The following LMCD1 variants were observed in gnomAD, a reference collection of about 807,000 sequenced individuals.
LMCD1 encodes the protein LIM and cysteine-rich domains protein 1.
In LMCD1, 32 loss-of-function variants were observed where a neutral mutation model predicts 42.7. The ratio of observed to expected loss-of-function variants is 0.75; its 90% CI spans 0.57 to 1.01. The LOEUF (loss-of-function observed/expected upper bound fraction) is 1.01, where lower values mean the gene tolerates loss of function less well. LMCD1 is among the 50% of genes least tolerant of loss of function. LMCD1 has a pLI of 0.00. For synonymous variants in LMCD1, 178 were observed against 184.9 expected, an observed-to-expected ratio of 0.96 and a Z score of 0.30; for missense variants, 458 against 483.1, an observed-to-expected ratio of 0.95 and a Z score of 0.49.
At chr3:8,554,563 G>A (rs1413256559) in intron 4 of LMCD1, among the ~76,000 whole-genome samples, 5 of 152,136 alleles carry the variant, frequency 3.3e-5, no homozygotes, top group Admixed American at 6.5e-5. Context: ...GGCCTTTTGA[G>A]TATCAGAGAT....
intron 2 of LMCD1, among the ~76,000 whole-genome samples, chr3:8,534,205 C>T (rs1248216456): frequency 6.6e-6 from 1 of 151,990 alleles, no homozygotes; most frequent in Non-Finnish European, 1.5e-5. Flanking sequence ...TATCTAAATG[C>T]ACCCACCGAG....
chr3:8,540,043 A>G lies in LMCD1; in HGVS notation c.387+2603A>G, dbSNP rs188275905. On this transcript the variant is annotated intron_variant, in intron 3 of 5. Coordinates refer to ENST00000157600, the MANE Select transcript of LMCD1 (RefSeq NM_014583.4). The stretch of plus-strand genomic sequence containing the variant: ...TGTGTCCAAGTGTTCTTATTGTTCA[A>G]TGCAGCCATAAAAAAGGATGAGTTC... 1.5e-4 allele frequency among the ~76,000 whole-genome samples: 23 copies of G among 151,822 alleles called. No individual in the cohort carries two copies. In the East Asian group the frequency reaches 1.7e-3, roughly 12 times the overall value.
chr3:8,541,739 T>A (rs1391927352), intron 3 of LMCD1, among the ~76,000 whole-genome samples: 1 of 152,180 alleles, frequency 6.6e-6, no homozygotes, highest in Non-Finnish European at 1.5e-5. Flanking sequence ...GGAGATTCTG[T>A]TTCAGAGTCA....
rs748008297 is a variant in LMCD1, at chr3:8,539,220, G to C, written c.387+1780G>C. On this transcript the variant is annotated intron_variant, in intron 3 of 5. Coordinates refer to ENST00000157600, the MANE Select transcript of LMCD1 (RefSeq NM_014583.4). Reference sequence around the variant, plus strand: ...GCACAGTTCTAAGCTGTTGCCTTAGGGGGGAAAATCCCTTCCAGATAAAAT... The same window carrying C: ...GCACAGTTCTAAGCTGTTGCCTTAGCGGGGAAAATCCCTTCCAGATAAAAT... Among the ~76,000 whole-genome samples the C allele has an allele frequency of 2.2e-4, 33 of 152,066 alleles. 1 individual carries two copies. Among genetic ancestry groups the C allele is most frequent in the Non-Finnish European group, 2.6e-4 (18 of 68,008 alleles).
intron 1 of LMCD1, among the ~76,000 whole-genome samples, chr3:8,520,085 A>G (rs1694175065): frequency 6.6e-6 from 1 of 152,212 alleles, no homozygotes; most frequent in East Asian, 1.9e-4. Context: ...TTAAGATACT[A>G]AGATTCAGAC....
At position 8,541,953 on chromosome 3, in the gene LMCD1, G is replaced by A. The variant is rs905340388; in HGVS notation, c.387+4513G>A. Among the ~76,000 whole-genome samples, 61 of 150,938 alleles carry A rather than the reference G, an allele frequency of 4.0e-4. 1 individual carries two copies. Among genetic ancestry groups the A allele is most frequent in the Non-Finnish European group, 1.2e-4 (8 of 67,654 alleles). ...CCAGGATCACAAAGTACACACCAGT[G>A]GCAGCTGGATGCAGTGGCATTGACC... On this transcript the variant is annotated intron_variant, in intron 3 of 5. Coordinates refer to ENST00000157600, the MANE Select transcript of LMCD1 (RefSeq NM_014583.4).
At chr3:8,504,576 G>T (rs1284033418) in intron 1 of LMCD1, among the ~76,000 whole-genome samples, 1 of 152,220 alleles carries the variant, frequency 6.6e-6, no homozygotes, top group African/African-American at 2.4e-5. Context: ...TAGACTTAAA[G>T]GTCATCTAAC....
intron 1 of LMCD1, among the ~76,000 whole-genome samples, chr3:8,524,278 T>A (rs555865039): frequency 7.2e-4 from 105 of 146,098 alleles, no homozygotes; most frequent in African/African-American, 2.3e-3. Context: ...TTGGGCCCCC[T>A]CATCTGGTGG....
intron 1 of LMCD1, among the ~76,000 whole-genome samples, chr3:8,506,497 G>A (rs781721446): frequency 9.2e-5 from 14 of 152,168 alleles, no homozygotes; most frequent in Non-Finnish European, 1.8e-4. Context: ...CTTCCCAAGA[G>A]GAAAAGGTAA....
chr3:8,558,788 T>C (rs1422229456), intron 4 of LMCD1, among the ~76,000 whole-genome samples: 1 of 152,156 alleles, frequency 6.6e-6, no homozygotes, highest in East Asian at 1.9e-4. Context: ...ACTGAATTGG[T>C]GATATCAGTT....
At chr3:8,518,622 G>C (rs564406203) in intron 1 of LMCD1, among the ~76,000 whole-genome samples, 122 of 152,316 alleles carry the variant, frequency 8.0e-4, no homozygotes, top group African/African-American at 2.7e-3. Context: ...AAACATAGGA[G>C]AAGCAGGGAG....
intron 1 of LMCD1, among the ~76,000 whole-genome samples, chr3:8,523,402 A>G (rs1694240156): frequency 6.6e-6 from 1 of 152,236 alleles, no homozygotes; most frequent in African/African-American, 2.4e-5. Context: ...CCTGAAGAGC[A>G]TCTGTCATAT....
intron 3 of LMCD1, 54 bp downstream of exon 3, chr3:8,537,494 C>A (rs2125025261): frequency 6.7e-7 from 1 of 1,487,208 alleles, no homozygotes; most frequent in East Asian, 2.3e-5. Context: ...TAAATACTAG[C>A]CATGTCAAGT....
chr3:8,528,735 C>G (rs1388361046), intron 1 of LMCD1, among the ~76,000 whole-genome samples: 1 of 152,130 alleles, frequency 6.6e-6, no homozygotes, highest in East Asian at 1.9e-4. Context: ...TCCTCTTCCT[C>G]TCAACCCTAC....
At chr3:8,544,744 C>G (rs1390491107) in intron 3 of LMCD1, among the ~76,000 whole-genome samples, 1 of 152,152 alleles carries the variant, frequency 6.6e-6, no homozygotes. Flanking sequence ...CAAATGAGTC[C>G]AGCCCCAAGC....
intron 1 of LMCD1, among the ~76,000 whole-genome samples, chr3:8,522,099 G>A (rs372063622): frequency 2.0e-5 from 3 of 152,156 alleles, no homozygotes; most frequent in South Asian, 2.1e-4. Flanking sequence ...AGATGGGTTG[G>A]GGGGAGGCAG....
At chr3:8,505,378 G>A (rs1352328791) in intron 1 of LMCD1, among the ~76,000 whole-genome samples, 1 of 152,170 alleles carries the variant, frequency 6.6e-6, no homozygotes, top group African/African-American at 2.4e-5. Context: ...ATTTCACTTT[G>A]GAGTTATATA....
At chr3:8,534,186 G>A (rs1694466576) in intron 2 of LMCD1, among the ~76,000 whole-genome samples, 1 of 151,724 alleles carries the variant, frequency 6.6e-6, no homozygotes, top group African/African-American at 2.4e-5. Context: ...TTGAGCCAGG[G>A]GAAAATGTTA....
chr3:8,521,613 G>A (rs554483647), intron 1 of LMCD1, among the ~76,000 whole-genome samples: 31 of 152,284 alleles, frequency 2.0e-4, no homozygotes, highest in Middle Eastern at 3.4e-3. Context: ...GCTGATTTGA[G>A]TCTTATCACC....
Sources: gnomAD v4.1 joint callset for allele counts (sites outside exome capture counted in the v4.1 genomes callset) on GRCh38, gnomAD v4.1.1 for gene constraint, MANE v1.5 for transcripts, NCBI Gene and HGNC (gene_info 2026-07-23, HGNC 2026-07-21) for gene names.